IL1RAP: variants seen among roughly 807,000 people sequenced by gnomAD.
IL1RAP encodes the protein interleukin-1 receptor accessory protein.
In IL1RAP, 35 loss-of-function variants were observed where a neutral mutation model predicts 60.7. That is an observed-to-expected ratio of 0.58 (90% CI 0.44 to 0.76). The LOEUF (loss-of-function observed/expected upper bound fraction) is 0.76. Among genes scored for constraint, IL1RAP ranks in the 30% least tolerant of loss-of-function variants. The pLI is 0.00. For missense variants in IL1RAP, 572 were observed against 693.9 expected (o/e 0.82, Z 1.97); for synonymous variants, 268 against 250.9 (o/e 1.07, Z -0.64).
At chr3:190,522,440 T>TATC (rs1011167306) in intron 1 of IL1RAP, among the ~76,000 whole-genome samples, 4 of 146,654 alleles carry the variant, frequency 2.7e-5, no homozygotes, top group African/African-American at 9.9e-5. Context: ...TCTATCTATC[T>TATC]ATCTATCTAT....
rs1359045059 is a variant in IL1RAP at position 190,645,914 on chromosome 3, G to A, written c.1345+72G>A. The A allele has an allele frequency of 3.0e-6, 4 of 1,333,696 alleles. No homozygotes were observed. In the African/African-American group the frequency reaches 4.4e-5, roughly 15 times the overall value. The allele number at this position is 1,333,696 out of a possible 1,614,324, so 82.6% of individuals were successfully genotyped here. A position where few individuals can be genotyped will look rare whatever the true frequency, so the allele number is the denominator to read the frequency against. On this transcript the variant is annotated intron_variant, in intron 11 of 11. Transcript: ENST00000447382. ...CAGAATCATTAGTTTTGCATTATGG[G>A]AGAGAGTCATGGCACAGCATCTTTG...
Position 190,589,070 on chromosome 3 carries a change from A to G in IL1RAP, c.65-15058A>G, listed in dbSNP as rs1282228585. Among the ~76,000 whole-genome samples the G allele has an allele frequency of 3.9e-5, 6 of 152,222 alleles. No individual in the cohort carries two copies. The East Asian group carries it at 1.2e-3, about 29-fold the overall frequency. On this transcript the variant is annotated intron_variant, in intron 3 of 11. Coordinates refer to ENST00000447382, the MANE Select transcript of IL1RAP (RefSeq NM_002182.4). ...CAGAGCCTGATCTGTATAATGTGTC[A>G]TGGGGCTGGATGATTTTTGAATCCA...
At chr3:190,598,197 C>T (rs913169796) in intron 3 of IL1RAP, among the ~76,000 whole-genome samples, 2 of 152,168 alleles carry the variant, frequency 1.3e-5, no homozygotes, top group Admixed American at 6.5e-5. Context: ...CAGGGAGATG[C>T]TTTTGCAAAA....
intron 3 of IL1RAP, among the ~76,000 whole-genome samples, chr3:190,603,820 A>T (rs1056690857): frequency 1.3e-5 from 2 of 152,208 alleles, no homozygotes; most frequent in Non-Finnish European, 2.9e-5. Context: ...CTGTTCCACA[A>T]AGTGAAAAAA....
chr3:190,614,896 C>G (rs4140710), intron 5 of IL1RAP, among the ~76,000 whole-genome samples: 16 of 151,878 alleles, frequency 1.1e-4, no homozygotes, highest in African/African-American at 3.9e-4. Context: ...TGGACTGGAC[C>G]GTGGGACGTA....
At chr3:190,542,879 A>ATTT in intron 1 of IL1RAP, among the ~76,000 whole-genome samples, 1 of 104,788 alleles carries the variant, frequency 9.5e-6, no homozygotes, top group Non-Finnish European at 1.9e-5. Flanking sequence ...GATTAAGGGA[A>ATTT]TTTTTTTTTT....
At position 190,651,165 on chromosome 3, in the gene IL1RAP, A is replaced by T. The variant is rs1446903719; in HGVS notation, c.*2460A>T. The T allele has an allele frequency of 2.2e-5, 22 of 982,512 alleles. No homozygotes were observed. The highest frequency in any genetic ancestry group is 2.5e-5 in the Non-Finnish European group (21 of 827,474). The allele number at this position is 982,512 out of a possible 1,614,324, so 60.9% of individuals were successfully genotyped here. A position where few individuals can be genotyped will look rare whatever the true frequency, so the allele number is the denominator to read the frequency against. On this transcript the variant is annotated 3_prime_UTR_variant, in exon 12 of 12. Transcript: ENST00000447382. ...AGAACAAGAACAAACCATGTCTCAA[A>T]TTTTTTTAAAAAAAATTAATGGTTT...
chr3:190,594,416 C>T (rs966330898), intron 3 of IL1RAP, among the ~76,000 whole-genome samples: 3 of 152,156 alleles, frequency 2.0e-5, no homozygotes, highest in African/African-American at 7.2e-5. Context: ...TCATTCTTAC[C>T]GTTCATTATG....
chr3:190,545,346 T>C (rs1352902101), intron 1 of IL1RAP, among the ~76,000 whole-genome samples: 1 of 152,204 alleles, frequency 6.6e-6, no homozygotes, highest in Non-Finnish European at 1.5e-5. Context: ...GCCAGCATAC[T>C]GATATGATTA....
chr3:190,622,341 T>C (rs979219276), intron 6 of IL1RAP, among the ~76,000 whole-genome samples: 1 of 152,242 alleles, frequency 6.6e-6, no homozygotes, highest in African/African-American at 2.4e-5. Flanking sequence ...GGCTCTTCTA[T>C]ACAAAGTAAT....
At chr3:190,536,404 G>A (rs1331321404) in intron 1 of IL1RAP, among the ~76,000 whole-genome samples, 1 of 152,096 alleles carries the variant, frequency 6.6e-6, no homozygotes, top group African/African-American at 2.4e-5. Flanking sequence ...GTTACCAGCT[G>A]TTGAGGTATG....
downstream of IL1RAP, chr3:190,655,740 AT>A: frequency 4.6e-6 from 3 of 646,790 alleles, no homozygotes; most frequent in Non-Finnish European, 7.9e-6. Context: ...AGTGGTGTAG[AT>A]TTTTTTGACT....
chr3:190,542,822 G>C (rs891993018), intron 1 of IL1RAP, among the ~76,000 whole-genome samples: 2 of 151,588 alleles, frequency 1.3e-5, no homozygotes, highest in Non-Finnish European at 2.9e-5. Context: ...GAAAGCTTTT[G>C]GGGGTTAGAA....
rs1018914094 is a variant in IL1RAP, at chr3:190,651,039, A to T, written c.*2334A>T. 6 of 983,940 alleles carry T rather than the reference A, an allele frequency of 6.1e-6. No individual in the cohort carries two copies. Among genetic ancestry groups the T allele is most frequent in the African/African-American group, 1.7e-5 (1 of 57,176 alleles). The allele number at this position is 983,940 out of a possible 1,614,324, so 61.0% of individuals were successfully genotyped here. A position where few individuals can be genotyped will look rare whatever the true frequency, so the allele number is the denominator to read the frequency against. On this transcript the variant is annotated 3_prime_UTR_variant, in exon 12 of 12. Transcript: ENST00000447382. ...ATATAAAGCATATCAAGTTTATGTG[A>T]TACGTATCATTGCAAGAGAATTTGT...
At chr3:190,628,505 C>A (rs767668255) in intron 8 of IL1RAP, among the ~76,000 whole-genome samples, 2 of 152,154 alleles carry the variant, frequency 1.3e-5, no homozygotes, top group Non-Finnish European at 2.9e-5. Context: ...AAAAAGAGAA[C>A]CTAGATGGCA....
chr3:190,524,258 T>C (rs1722323101), intron 1 of IL1RAP, among the ~76,000 whole-genome samples: 1 of 152,200 alleles, frequency 6.6e-6, no homozygotes, highest in South Asian at 2.1e-4. Flanking sequence ...ATATTAGACC[T>C]TTGTCAGAAG....
chr3:190,576,951 A>C (rs1727519610), intron 3 of IL1RAP, among the ~76,000 whole-genome samples: 1 of 151,974 alleles, frequency 6.6e-6, no homozygotes, highest in Non-Finnish European at 1.5e-5. Flanking sequence ...AATACAAAAA[A>C]TTAGCCGGGC....
intron 1 of IL1RAP, among the ~76,000 whole-genome samples, chr3:190,519,519 T>G (rs1019696523): frequency 3.9e-5 from 6 of 152,258 alleles, no homozygotes; most frequent in African/African-American, 1.2e-4. Context: ...GCAAAGCCTT[T>G]TGGTCCACTA....
intron 4 of IL1RAP, among the ~76,000 whole-genome samples, chr3:190,605,766 A>T (rs1293466677): frequency 1.3e-5 from 2 of 152,016 alleles, no homozygotes; most frequent in Non-Finnish European, 2.9e-5. Context: ...TCTGATAAGG[A>T]TGCTAGTCAT....
Sources: gnomAD v4.1 joint callset for allele counts (sites outside exome capture counted in the v4.1 genomes callset) on GRCh38, gnomAD v4.1.1 for gene constraint, MANE v1.5 for transcripts, NCBI Gene and HGNC (gene_info 2026-07-23, HGNC 2026-07-21) for gene names.